MAGI1: variants seen among roughly 807,000 people sequenced by gnomAD.
MAGI1 encodes membrane-associated guanylate kinase, WW and PDZ domain-containing protein 1.
MAGI1 carries 58 observed loss-of-function variants against 139.9 expected under a neutral mutation model. The observed-to-expected ratio is 0.41, with a 90% CI of 0.34 to 0.52. MAGI1 has a LOEUF of 0.52. Among genes scored for constraint, MAGI1 ranks in the 20% least tolerant of loss-of-function variants. The pLI, the probability that MAGI1 is intolerant of heterozygous loss-of-function variation, is 0.12. For synonymous variants in MAGI1, 812 were observed against 737.9 expected, an observed-to-expected ratio of 1.10 and a Z score of -1.63; for missense variants, 1,874 against 1,901.6, an observed-to-expected ratio of 0.99 and a Z score of 0.27.
At chr3:65,619,557 G>A (rs574002517) in intron 2 of MAGI1, among the ~76,000 whole-genome samples, 2 of 152,202 alleles carry the variant, frequency 1.3e-5, no homozygotes, top group East Asian at 1.9e-4. Context: ...CAGATTACAC[G>A]AGCCCATTTC....
chr3:65,950,848 A>G (rs2063803646), intron 1 of MAGI1, among the ~76,000 whole-genome samples: 1 of 152,110 alleles, frequency 6.6e-6, no homozygotes, highest in Admixed American at 6.6e-5. Flanking sequence ...GTGCAGGGAT[A>G]CCTCAGGGCA....
At chr3:65,757,489 T>C (rs1488412285) in intron 1 of MAGI1, among the ~76,000 whole-genome samples, 3 of 152,016 alleles carry the variant, frequency 2.0e-5, no homozygotes, top group African/African-American at 7.3e-5. Flanking sequence ...AATACAAAAA[T>C]TAGCTGGGCA....
rs1264932874 is a variant in MAGI1, at chr3:65,375,957, T to C, written c.2996-12A>G. 6.2e-7 allele frequency: 1 copy of C among 1,606,682 alleles called. No individual in the cohort carries two copies. The highest frequency in any genetic ancestry group is 8.5e-7 in the Non-Finnish European group (1 of 1,174,766). On this transcript the variant is annotated splice_polypyrimidine_tract_variant and intron_variant, in intron 17 of 22. Transcript: ENST00000402939. ...CACACATGCATTGCCTGCTTTGATA[T>C]TGAGTTTTAATTTTTTTAAAGTTAC...
intron 1 of MAGI1, among the ~76,000 whole-genome samples, chr3:65,829,582 T>C (rs1218537786): frequency 6.6e-6 from 1 of 152,208 alleles, no homozygotes; most frequent in Non-Finnish European, 1.5e-5. Context: ...GAGCAATAAA[T>C]TTCTCATGCT....
chr3:65,849,151 G>A (rs1216346466), intron 1 of MAGI1, among the ~76,000 whole-genome samples: 1 of 151,074 alleles, frequency 6.6e-6, no homozygotes, highest in Non-Finnish European at 1.5e-5. Flanking sequence ...AGCCTCCCGA[G>A]TAGCTGGGAT....
intron 1 of MAGI1, among the ~76,000 whole-genome samples, chr3:66,025,562 C>A (rs1352460095): frequency 3.9e-5 from 6 of 152,024 alleles, no homozygotes; most frequent in Admixed American, 1.3e-4. Context: ...AAAAAACAAA[C>A]AAACAAAAAA....
At chr3:66,004,334 G>A (rs2107462722) in intron 1 of MAGI1, among the ~76,000 whole-genome samples, 1 of 152,258 alleles carries the variant, frequency 6.6e-6, no homozygotes, top group Middle Eastern at 3.4e-3. Flanking sequence ...AATATCCGGA[G>A]GCATCTTCAC....
At chr3:65,777,540 A>G (rs1410885990) in intron 1 of MAGI1, among the ~76,000 whole-genome samples, 3 of 151,736 alleles carry the variant, frequency 2.0e-5, no homozygotes, top group Non-Finnish European at 4.4e-5. Flanking sequence ...TTGGGAGGCC[A>G]AGGTGGGAGG....
At chr3:65,718,545 T>C (rs2032569974) in intron 1 of MAGI1, 1 of 152,320 alleles carries the variant, frequency 6.6e-6, no homozygotes, top group Non-Finnish European at 1.5e-5. Flanking sequence ...TTTAGTTACA[T>C]ACTAGTAATG....
intron 12 of MAGI1, among the ~76,000 whole-genome samples, chr3:65,424,864 C>T (rs1946893006): frequency 6.6e-6 from 1 of 152,042 alleles, no homozygotes; most frequent in Non-Finnish European, 1.5e-5. Context: ...ATATCAGAAT[C>T]ACCAGTGGTA....
intron 2 of MAGI1, among the ~76,000 whole-genome samples, chr3:65,605,331 T>C (rs540958110): frequency 1.1e-3 from 172 of 152,310 alleles, no homozygotes; most frequent in African/African-American, 3.9e-3. Context: ...ATGTGCATCT[T>C]TGAAAAATTT....
In MAGI1 at chr3:65,673,906, G is replaced by A. The variant is rs865857677; in HGVS notation, c.314-51818C>T. On this transcript the variant is annotated intron_variant, in intron 1 of 22. Coordinates refer to ENST00000402939, the MANE Select transcript of MAGI1 (RefSeq NM_001033057.2). ...ATTTTCTCCCTCATTCTTCTCATTA[G>A]CTAAATGGAGGAATGCCTTCTATTA... Among the ~76,000 whole-genome samples, 27 of 152,158 alleles carry A rather than the reference G, an allele frequency of 1.8e-4. No individual in the cohort carries two copies. In the South Asian group the frequency reaches 2.1e-3, roughly 12 times the overall value.
At chr3:65,748,561 G>T (rs2035886760) in intron 1 of MAGI1, among the ~76,000 whole-genome samples, 2 of 152,146 alleles carry the variant, frequency 1.3e-5, no homozygotes, top group African/African-American at 4.8e-5. Context: ...ACACAGTGAG[G>T]GGCAGGCTAG....
intron 13 of MAGI1, among the ~76,000 whole-genome samples, chr3:65,392,004 A>G (rs537313767): frequency 1.3e-5 from 2 of 152,300 alleles, no homozygotes; most frequent in South Asian, 2.1e-4. Context: ...ATTACACTTC[A>G]CCTCTTAAAC....
chr3:65,817,071 C>T (rs1433315414), intron 1 of MAGI1, among the ~76,000 whole-genome samples: 2 of 152,180 alleles, frequency 1.3e-5, no homozygotes, highest in Admixed American at 6.5e-5. Context: ...CAATATGTCT[C>T]ACTTTTATTT....
intron 1 of MAGI1, among the ~76,000 whole-genome samples, chr3:65,832,170 C>T (rs952650983): frequency 3.3e-5 from 5 of 152,182 alleles, no homozygotes; most frequent in African/African-American, 1.2e-4. Context: ...GCACAGCCAT[C>T]AGCATAAATC....
chr3:65,673,121 G>T lies in MAGI1; in HGVS notation c.314-51033C>A, dbSNP rs181609637. ...CTTGTGCCTGGGCTTGCGAGTTTTTGTTCACCTAAATTAAGATTCGATGAC... is the reference window on the plus strand; with the variant it reads ...CTTGTGCCTGGGCTTGCGAGTTTTTTTTCACCTAAATTAAGATTCGATGAC... On this transcript the variant is annotated intron_variant, in intron 1 of 22. Transcript: ENST00000402939. 1.6e-3 allele frequency among the ~76,000 whole-genome samples: 246 copies of T among 152,208 alleles called. 1 individual carries two copies. Among genetic ancestry groups the T allele is most frequent in the Middle Eastern group, 6.8e-3 (2 of 294 alleles).
At chr3:65,546,724 T>C (rs911378215) in intron 2 of MAGI1, among the ~76,000 whole-genome samples, 1 of 152,054 alleles carries the variant, frequency 6.6e-6, no homozygotes, top group Non-Finnish European at 1.5e-5. Context: ...AGTCAATCCA[T>C]TTTTTTTCCT....
At chr3:65,488,881 C>A (rs1400791579) in intron 3 of MAGI1, among the ~76,000 whole-genome samples, 4 of 151,632 alleles carry the variant, frequency 2.6e-5, no homozygotes, top group Non-Finnish European at 4.4e-5. Context: ...CCATGTTGCC[C>A]AGGCTGGTCG....
Sources: allele counts gnomAD v4.1 joint callset (sites outside exome capture counted in the v4.1 genomes callset), GRCh38; gene constraint gnomAD v4.1.1; transcripts MANE v1.5; gene names NCBI Gene and HGNC (gene_info 2026-07-23, HGNC 2026-07-21).